MMRN2: variants seen among roughly 807,000 people sequenced by gnomAD.
MMRN2 encodes the protein multimerin-2.
Under a neutral mutation model 68.8 loss-of-function variants are expected in MMRN2, and 53 were observed. The observed-to-expected ratio is 0.77, with a 90% CI of 0.62 to 0.97. The LOEUF is 0.97. Ranked by LOEUF, MMRN2 falls within the 50% of genes least tolerant of loss-of-function variation. The pLI is 0.00. For missense variants in MMRN2, 1,266 were observed against 1,259.5 expected (o/e 1.01, Z -0.08); for synonymous variants, 564 against 551.6 (o/e 1.02, Z -0.32).
rs765670198 is a variant in MMRN2, at chr10:86,942,625, C to CCGGCCT, written c.2153_2158dup (p.Glu718_Ala719dup). 120 of 1,603,374 alleles carry CCGGCCT rather than the reference C, an allele frequency of 7.5e-5. No individual in the cohort carries two copies. Among genetic ancestry groups the CCGGCCT allele is most frequent in the African/African-American group, 1.1e-4 (8 of 75,046 alleles). On this transcript the variant is annotated inframe_insertion, in exon 6 of 7. Coordinates refer to ENST00000372027, the MANE Select transcript of MMRN2 (RefSeq NM_024756.3). ...GGCGTTGAGGGAGGCGGCCCCGGCCCCGGCCTCGGCCTCGCAGCACCGCCC... is the reference window on the plus strand; with the variant it reads ...GGCGTTGAGGGAGGCGGCCCCGGCCCCGGCCTCGGCCTCGGCCTCGCAGCACCGCCC...
chr10:86,942,469 T>G lies in MMRN2; in HGVS notation c.2315A>C (p.Lys772Thr). The G allele has an allele frequency of 3.1e-6, 5 of 1,614,134 alleles. No homozygotes were observed. The highest frequency in any genetic ancestry group is 4.2e-6 in the Non-Finnish European group (5 of 1,180,014). Residue 772 changes from lysine (K) to threonine (T), a missense_variant, in exon 6 of 7, where the codon AAG becomes ACG. Coordinates refer to ENST00000372027, the MANE Select transcript of MMRN2 (RefSeq NM_024756.3). The part of the protein sequence containing the change: ...MEANVSLDLG[K>T]LQTMLSRKGK... Reference sequence around the variant, plus strand: ...TTTCCTGCTCAGCATGGTCTGCAGCTTCCCCAGGTCCAGGCTGACGTTGGC... The same window carrying G: ...TTTCCTGCTCAGCATGGTCTGCAGCGTCCCCAGGTCCAGGCTGACGTTGGC...
intron 4 of MMRN2, 31 bp from the exon 5 acceptor site, chr10:86,944,466 G>A (rs769909234): frequency 1.9e-6 from 3 of 1,610,602 alleles, no homozygotes; most frequent in South Asian, 2.2e-5. Context: ...AATGTCAAGG[G>A]CTAACTCACC....
Position 86,943,936 on chromosome 10 carries a change from C to G in MMRN2, c.848G>C (p.Arg283Thr). Residue 283 changes from arginine to threonine, a missense_variant, in exon 6 of 7, where the codon AGG becomes ACG. Physicochemically the swap from Arg to Thr is moderately conservative, Grantham distance 71. Transcript: ENST00000372027. This position sits in a 1 kb window ranked among gnomAD's most constrained non-coding sequence, Gnocchi z 4.2. ...GGCACCAAGCTCCTGGAAGTCAGCC[C>G]TGGCCACGGCACTGTCCTGGACTCT... ...ISRVQDSAVARADFQELGAKF... is the reference protein window; with the variant it reads ...ISRVQDSAVATADFQELGAKF... 6.2e-7 allele frequency: 1 copy of G among 1,614,138 alleles called. No homozygotes were observed. The highest frequency in any genetic ancestry group is 1.6e-4 in the Middle Eastern group (1 of 6,062).
intron 6 of MMRN2, among the ~76,000 whole-genome samples, chr10:86,939,678 C>CCT (rs1554893253): frequency 1.3e-5 from 2 of 150,230 alleles, no homozygotes; most frequent in African/African-American, 4.9e-5. Flanking sequence ...GACCCCCACC[C>CCT]CAACCCAGCC....
At chr10:86,949,827 GACTGT>G (rs1844121514) in intron 1 of MMRN2, 2 of 151,214 alleles carry the variant, frequency 1.3e-5, no homozygotes, top group Admixed American at 1.3e-4. Context: ...AGTGAGTGGA[GACTGT>G]ACCACTGCAC....
In MMRN2 at chr10:86,943,166, C is replaced by T. The variant is rs757358805; in HGVS notation, c.1618G>A (p.Val540Met). ...GSSLQALQNA[V>M]DAVSLAVDAH... Reference sequence around the variant, plus strand: ...TCCACGGCCAGCGACACGGCGTCCACGGCGTTCTGCAGGGCCTGCAGGGAG... The same window carrying T: ...TCCACGGCCAGCGACACGGCGTCCATGGCGTTCTGCAGGGCCTGCAGGGAG... The change falls in exon 6 of 7, where the codon GTG becomes ATG. Residue 540 changes from valine (V) to methionine (M), a missense_variant. Val to Met is a conservative substitution (Grantham distance 21). Transcript: ENST00000372027. The surrounding 1 kb of genome is among the most constrained non-coding windows in gnomAD (Gnocchi z 4.2). 1.2e-6 allele frequency: 2 copies of T among 1,604,670 alleles called. No homozygotes were observed. Among genetic ancestry groups the T allele is most frequent in the Non-Finnish European group, 1.7e-6 (2 of 1,176,262 alleles).
intron 1 of MMRN2, among the ~76,000 whole-genome samples, chr10:86,947,357 C>T (rs1379204022): frequency 4.7e-5 from 7 of 149,872 alleles, no homozygotes; most frequent in East Asian, 2.0e-4. Context: ...AAGGCAGGGG[C>T]GGGGGATTCG....
chr10:86,950,944 T>C (rs1242902054), intron 1 of MMRN2, among the ~76,000 whole-genome samples: 1 of 152,262 alleles, frequency 6.6e-6, no homozygotes, highest in Non-Finnish European at 1.5e-5. Flanking sequence ...GAATGAGATC[T>C]AGCTCATAGA....
rs773801041 is a variant in MMRN2 at position 86,942,401 on chromosome 10, C to T, written c.2383G>A (p.Asp795Asn). Residue 795 changes from aspartate to asparagine, a missense_variant, in exon 6 of 7, where the codon GAC (aspartate) becomes AAC (asparagine). Physicochemically the swap from Asp to Asn is conservative, Grantham distance 23. Transcript: ENST00000372027. ...QKDLEAPRKR[D>N]KKEAEPLVDI... ...ACCAAAGGCTCCGCTTCCTTCTTGT[C>T]CCTCTTCCGGGGAGCTTCCAGGTCT... 9.9e-6 allele frequency: 16 copies of T among 1,614,102 alleles called. No homozygotes were observed. The highest frequency in any genetic ancestry group is 1.3e-5 in the African/African-American group (1 of 74,960).
At position 86,943,425 on chromosome 10, in the gene MMRN2, C is replaced by T. The variant is rs1844010630; in HGVS notation, c.1359G>A (p.Lys453=). 6.2e-7 allele frequency: 1 copy of T among 1,613,996 alleles called. No homozygotes were observed. The highest frequency in any genetic ancestry group is 1.3e-5 in the African/African-American group (1 of 74,936). Residue 453 remains lysine, a synonymous_variant, in exon 6 of 7, where the codon AAG becomes AAA. Transcript: ENST00000372027. This position sits in a 1 kb window ranked among gnomAD's most constrained non-coding sequence, Gnocchi z 4.2. ...LRELRVILME[K]SLIMEENKEE... ...CCTTGTTCTCCTCCATGATCAGAGACTTCTCCATCAGGATCACGCGCAGCT... is the reference window on the plus strand; with the variant it reads ...CCTTGTTCTCCTCCATGATCAGAGATTTCTCCATCAGGATCACGCGCAGCT...
chr10:86,943,501 T>C lies in MMRN2; in HGVS notation c.1283A>G (p.Lys428Arg), dbSNP rs959013650. Residue 428 changes from lysine (K) to arginine (R), a missense_variant, in exon 6 of 7, where the codon AAG becomes AGG. Transcript: ENST00000372027. The surrounding 1 kb of genome is among the most constrained non-coding windows in gnomAD (Gnocchi z 4.2). ...CAGCTCCTCCACCTGCCGCTCCACC[T>C]TGCTAATCTGATCGAAAGTCTCGTC... ...ESDETFDQIS[K>R]VERQVEELQV... The C allele has an allele frequency of 1.2e-6, 2 of 1,614,218 alleles. No homozygotes were observed.
Position 86,957,402 on chromosome 10 carries a change from T to C in MMRN2, c.140A>G (p.Asp47Gly). ...CCGTCCTACGGGGTCCTTGCCGGTG[T>C]CCTCAGCCTCTGCCTTCCAGACCCC... The part of the protein sequence containing the change: ...TPGVWKAEAE[D>G]TGKDPVGRNW... Residue 47 changes from aspartate (D) to glycine (G), a missense_variant, in exon 1 of 7, where the codon GAC becomes GGC. Coordinates refer to ENST00000372027, the MANE Select transcript of MMRN2 (RefSeq NM_024756.3). The C allele has an allele frequency of 1.9e-6, 3 of 1,613,554 alleles. No homozygotes were observed. The highest frequency in any genetic ancestry group is 1.1e-5 in the South Asian group (1 of 91,062).
chr10:86,943,701 C>A lies in MMRN2; in HGVS notation c.1083G>T (p.Gly361=). ...GSLVLATPGA[G]ARPEPDSLQA... ...GCAGGCTGTCCGGCTCAGGCCTTGC[C>A]CCAGCCCCAGGCGTTGCCAACACCA... Residue 361 remains glycine (G), a synonymous_variant, in exon 6 of 7, where the codon GGG becomes GGT. Transcript: ENST00000372027. This position sits in a 1 kb window ranked among gnomAD's most constrained non-coding sequence, Gnocchi z 4.2. 1 of 1,610,030 alleles carries A rather than the reference C, an allele frequency of 6.2e-7. No individual in the cohort carries two copies.
chr10:86,941,979 G>C (rs1843977579), intron 6 of MMRN2, among the ~76,000 whole-genome samples: 1 of 151,996 alleles, frequency 6.6e-6, no homozygotes, highest in Non-Finnish European at 1.5e-5. Flanking sequence ...AGATGAGATG[G>C]GGGGACTTGA....
chr10:86,953,474 TC>T (rs1254105010), intron 1 of MMRN2, among the ~76,000 whole-genome samples: 1 of 152,132 alleles, frequency 6.6e-6, no homozygotes, highest in Non-Finnish European at 1.5e-5. Context: ...AGCCTGTCCC[TC>T]CGTTCAGGGT....
In MMRN2 at chr10:86,946,049, G is replaced by C. The variant is rs1349827423; in HGVS notation, c.165-360C>G. On this transcript the variant is annotated intron_variant, in intron 1 of 6. Transcript: ENST00000372027. ...GGAAAACACCGTGTGCACTGCAGCT[G>C]TCTGCATGGATTCCCTTTGGTGAGG... is the stretch of plus-strand genomic sequence containing the variant. Among the ~76,000 whole-genome samples, 19 of 152,198 alleles carry C rather than the reference G, an allele frequency of 1.2e-4. 1 individual carries two copies. The highest frequency in any genetic ancestry group is 1.2e-3 in the Admixed American group (19 of 15,282).
intron 1 of MMRN2, among the ~76,000 whole-genome samples, chr10:86,951,954 G>A (rs1162232061): frequency 1.3e-5 from 2 of 152,124 alleles, no homozygotes; most frequent in East Asian, 3.9e-4. Flanking sequence ...AGGCTGAGGT[G>A]GAAGGATTGC....
intron 1 of MMRN2, among the ~76,000 whole-genome samples, chr10:86,950,602 CA>C (rs753142478): frequency 8.5e-5 from 13 of 152,150 alleles, no homozygotes; most frequent in Admixed American, 4.6e-4. Context: ...GGTATGAGGG[CA>C]GCAGTTCACA....
Position 86,943,446 on chromosome 10 carries a change from C to A in MMRN2, c.1338G>T (p.Leu446=), listed in dbSNP as rs1314853438. ...LQVNHTALRE[L]RVILMEKSLI... is the part of the protein sequence containing the mutation. ...GAGACTTCTCCATCAGGATCACGCG[C>A]AGCTCACGGAGCGCCGTGTGGTTCA... is the stretch of plus-strand genomic sequence containing the variant. The change falls in exon 6 of 7, where the codon CTG becomes CTT. Residue 446 remains leucine, a synonymous_variant. Transcript: ENST00000372027. The surrounding 1 kb of genome is among the most constrained non-coding windows in gnomAD (Gnocchi z 4.2). 6.2e-7 allele frequency: 1 copy of A among 1,614,204 alleles called. No individual in the cohort carries two copies. Among genetic ancestry groups the A allele is most frequent in the Non-Finnish European group, 8.5e-7 (1 of 1,180,028 alleles).
Sources: gnomAD v4.1 joint callset for allele counts (sites outside exome capture counted in the v4.1 genomes callset) on GRCh38, gnomAD v4.1.1 for gene constraint, Gnocchi (gnomAD v3.1) non-coding constraint, MANE v1.5 for transcripts, NCBI Gene and HGNC (gene_info 2026-07-23, HGNC 2026-07-21) for gene names.